ZFHX3: variants seen among roughly 807,000 people sequenced by gnomAD.
ZFHX3 encodes zinc finger homeobox 3.
Under a neutral mutation model 279.1 loss-of-function variants are expected in ZFHX3, and 42 were observed. That is an observed-to-expected ratio of 0.15 (90% CI 0.12 to 0.19). ZFHX3 has a LOEUF of 0.19. Ranked by LOEUF, ZFHX3 falls within the 10% of genes least tolerant of loss-of-function variation. ZFHX3 has a pLI of 1.00. For synonymous variants in ZFHX3, 2,293 were observed against 1,957.8 expected, an observed-to-expected ratio of 1.17 and a Z score of -4.52; for missense variants, 4,981 against 4,754.0, an observed-to-expected ratio of 1.05 and a Z score of -1.40.
chr16:72,990,836 C>A (rs544674638), intron 1 of ZFHX3, among the ~76,000 whole-genome samples: 1 of 151,990 alleles, frequency 6.6e-6, no homozygotes, highest in Non-Finnish European at 1.5e-5. Flanking sequence ...AAAAATTAGC[C>A]GGGTGTGGCG....
intron 5 of ZFHX3, among the ~76,000 whole-genome samples, chr16:73,186,134 C>T (rs1467136536): frequency 6.6e-6 from 1 of 152,126 alleles, no homozygotes; most frequent in African/African-American, 2.4e-5. Context: ...AGGGCTCCCA[C>T]TGATTCTACA....
In ZFHX3 at chr16:72,959,203, T is replaced by C. The variant is rs747715974; in HGVS notation, c.943A>G (p.Lys315Glu). The C allele has an allele frequency of 1.7e-5, 28 of 1,614,102 alleles. No individual in the cohort carries two copies. The highest frequency in any genetic ancestry group is 8.5e-7 in the Non-Finnish European group (1 of 1,180,036). The change falls in exon 2 of 10, where the codon AAA becomes GAA. Residue 315 changes from lysine (K) to glutamate (E), a missense_variant. Around this residue, in one of 7 missense-constraint regions of ZFHX3, gnomAD observed 1,068 missense variants for 935.2 expected, o/e 1.14. Transcript: ENST00000268489. ...GAGATGTTCTTATTGCTAAGAATTT[T>C]CCGCTCGTCTTCGCTCAGGGTCATT... ...HRMTLSEDER[K>E]ILSNKNISAI...
chr16:73,396,435 A>G (rs1239221682), intron 3 of ZFHX3, among the ~76,000 whole-genome samples: 1 of 147,458 alleles, frequency 6.8e-6, no homozygotes, highest in Non-Finnish European at 1.5e-5. Context: ...ATTTTTTTTC[A>G]TTCATTCATT....
chr16:73,290,068 C>T (rs6564370), intron 4 of ZFHX3, among the ~76,000 whole-genome samples: 143,448 of 152,048 alleles, frequency 0.94, 67,731 homozygotes, highest in African/African-American at 0.99. Flanking sequence ...CATTTATATA[C>T]GAACTAAGAA....
Position 73,448,684 on chromosome 16 carries a change from A to AAGTGTG in ZFHX3, c.-1291+7318_-1291+7319insCACACT, listed in dbSNP as rs1567487516. On this transcript the variant is annotated intron_variant, in intron 3 of 17. Transcript: ENST00000641206. ...AAAAGGGGAAGGTGTATATTTATAT[A>AAGTGTG]CGTGTGTGTGTGTGTGTGTGTGTGT... Among the ~76,000 whole-genome samples the AAGTGTG allele has an allele frequency of 6.4e-3, 429 of 66,892 alleles. 4 individuals are homozygous for AAGTGTG. The highest frequency in any genetic ancestry group is 0.016 in the African/African-American group (404 of 25,752). The allele number at this position is 66,892 out of a possible 152,430, so 43.9% of individuals were successfully genotyped here. A position where few individuals can be genotyped will look rare whatever the true frequency, so the allele number is the denominator to read the frequency against.
At chr16:73,674,965 T>C (rs570201571) in intron 2 of ZFHX3, among the ~76,000 whole-genome samples, 3 of 152,220 alleles carry the variant, frequency 2.0e-5, no homozygotes, top group South Asian at 4.2e-4. Flanking sequence ...TAATAAATGA[T>C]TGCTGTTATA....
At chr16:73,265,161 C>T (rs1234228105) in intron 4 of ZFHX3, among the ~76,000 whole-genome samples, 2 of 151,844 alleles carry the variant, frequency 1.3e-5, no homozygotes, top group African/African-American at 4.8e-5. Flanking sequence ...GCTGGTTCCA[C>T]ATTTTTGCAA....
chr16:73,100,392 C>A (rs531568635), intron 7 of ZFHX3, among the ~76,000 whole-genome samples: 1 of 152,118 alleles, frequency 6.6e-6, no homozygotes. Context: ...AACGGGCATG[C>A]CTTTTTCTTT....
At chr16:73,687,037 T>TATTTGCAGCTAA (rs1360665057) in intron 1 of ZFHX3, among the ~76,000 whole-genome samples, 1 of 106,318 alleles carries the variant, frequency 9.4e-6, no homozygotes, top group African/African-American at 4.0e-5. Context: ...TATATATATA[T>TATTTGCAGCTAA]ATATATATAT....
intron 1 of ZFHX3, among the ~76,000 whole-genome samples, chr16:73,855,384 G>A (rs1188059965): frequency 6.6e-6 from 1 of 152,114 alleles, no homozygotes; most frequent in African/African-American, 2.4e-5. Flanking sequence ...ACATTCAGTG[G>A]CCTTCCTGAA....
At chr16:73,624,701 C>T (rs1272832817) in intron 2 of ZFHX3, among the ~76,000 whole-genome samples, 1 of 151,626 alleles carries the variant, frequency 6.6e-6, no homozygotes, top group Admixed American at 6.6e-5. Context: ...AAGCACATTT[C>T]ATCAAATGTG....
intron 1 of ZFHX3, among the ~76,000 whole-genome samples, chr16:73,756,312 G>C (rs2053808603): frequency 4.6e-5 from 7 of 152,178 alleles, no homozygotes; most frequent in Admixed American, 3.9e-4. Flanking sequence ...TTCATCTTTA[G>C]AGTATAATCT....
At chr16:73,824,167 C>T (rs1185798486) in intron 1 of ZFHX3, among the ~76,000 whole-genome samples, 1 of 152,192 alleles carries the variant, frequency 6.6e-6, no homozygotes, top group Non-Finnish European at 1.5e-5. Flanking sequence ...TAATATCCTA[C>T]TGTGCTTTGG....
At chr16:72,948,590 C>A (rs538161472) in intron 3 of ZFHX3, among the ~76,000 whole-genome samples, 1 of 152,284 alleles carries the variant, frequency 6.6e-6, no homozygotes, top group South Asian at 2.1e-4. Flanking sequence ...GCCTGACAGA[C>A]TCTTATTCAA....
chr16:72,933,962 G>A (rs972615088), intron 3 of ZFHX3, among the ~76,000 whole-genome samples: 3 of 151,882 alleles, frequency 2.0e-5, no homozygotes, highest in South Asian at 2.1e-4. Context: ...GGGACTGCAG[G>A]TGCCCTCCAC....
intron 2 of ZFHX3, among the ~76,000 whole-genome samples, chr16:73,475,999 G>T (rs1050456990): frequency 1.3e-5 from 2 of 152,048 alleles, no homozygotes; most frequent in Non-Finnish European, 2.9e-5. Flanking sequence ...AGAGGTTAAG[G>T]TATTCCAAAA....
chr16:72,855,572 C>T (rs1266410492), intron 4 of ZFHX3, among the ~76,000 whole-genome samples: 1 of 152,174 alleles, frequency 6.6e-6, no homozygotes, highest in Admixed American at 6.5e-5. Context: ...TGAGCCAGCT[C>T]TTATCACCTC....
intron 4 of ZFHX3, among the ~76,000 whole-genome samples, chr16:73,288,578 C>T: frequency 6.6e-6 from 1 of 152,166 alleles, no homozygotes; most frequent in East Asian, 1.9e-4. Context: ...TTAGCAACTC[C>T]CCACGCTGTC....
At chr16:73,823,255 T>A (rs1170341511) in intron 1 of ZFHX3, among the ~76,000 whole-genome samples, 1 of 151,564 alleles carries the variant, frequency 6.6e-6, no homozygotes, top group Non-Finnish European at 1.5e-5. Flanking sequence ...CAGAGAGAAA[T>A]AGGGGGAAGG....
Sources: allele counts gnomAD v4.1 joint callset (sites outside exome capture counted in the v4.1 genomes callset), GRCh38; gene constraint gnomAD v4.1.1; regional missense constraint gnomAD v4.1.1; transcripts MANE v1.5; gene names NCBI Gene and HGNC (gene_info 2026-07-23, HGNC 2026-07-21).